The following CDKAL1 variants were observed in gnomAD, a reference collection of about 807,000 sequenced individuals.
The protein encoded by CDKAL1 is threonylcarbamoyladenosine tRNA methylthiotransferase.
CDKAL1 carries 32 observed loss-of-function variants against 68.2 expected under a neutral mutation model. The ratio of observed to expected loss-of-function variants is 0.47; its 90% CI spans 0.35 to 0.63. CDKAL1 has a LOEUF of 0.63. Among genes scored for constraint, CDKAL1 ranks in the 30% least tolerant of loss-of-function variants. The pLI, the probability that CDKAL1 is intolerant of heterozygous loss-of-function variation, is 0.00. For synonymous variants in CDKAL1, 234 were observed against 244.3 expected (o/e 0.96, Z 0.39); for missense variants, 606 against 696.7 (o/e 0.87, Z 1.47).
At chr6:20,807,424 T>C (rs1581618174) in intron 8 of CDKAL1, among the ~76,000 whole-genome samples, 2 of 152,252 alleles carry the variant, frequency 1.3e-5, no homozygotes, top group Middle Eastern at 6.8e-3. Context: ...GGTTTCGCCA[T>C]ATTGGCCAGG....
At chr6:21,035,857 A>G (rs1028575987) in intron 11 of CDKAL1, among the ~76,000 whole-genome samples, 5 of 152,178 alleles carry the variant, frequency 3.3e-5, no homozygotes, top group Non-Finnish European at 5.9e-5. Flanking sequence ...TTAACTGAGC[A>G]TTTAGCACTT....
At chr6:20,966,856 A>G (rs1309998396) in intron 10 of CDKAL1, among the ~76,000 whole-genome samples, 1 of 151,764 alleles carries the variant, frequency 6.6e-6, no homozygotes, top group Non-Finnish European at 1.5e-5. Flanking sequence ...TGGCTCCTAC[A>G]TTTTCAGTCT....
At position 20,789,103 on chromosome 6, in the gene CDKAL1, G is replaced by A. The variant is rs183181002; in HGVS notation, c.638+7838G>A. 3.3e-3 allele frequency among the ~76,000 whole-genome samples: 496 copies of A among 152,316 alleles called. 2 individuals carry two copies. Among genetic ancestry groups the A allele is most frequent in the Middle Eastern group, 6.8e-3 (2 of 294 alleles). ...TGATAGTTTGGACTATGAATGAAGT[G>A]AAAGTTATATGAAACAATTAAATGT... On this transcript the variant is annotated intron_variant, in intron 8 of 15. Coordinates refer to ENST00000274695, the MANE Select transcript of CDKAL1 (RefSeq NM_017774.3).
chr6:20,561,009 C>T (rs1054469174), intron 4 of CDKAL1, among the ~76,000 whole-genome samples: 2 of 152,190 alleles, frequency 1.3e-5, no homozygotes, highest in Non-Finnish European at 2.9e-5. Flanking sequence ...TTTCTGCTGG[C>T]TTAGAGTGAC....
chr6:20,646,217 C>G (rs1479836358), intron 4 of CDKAL1, among the ~76,000 whole-genome samples: 1 of 151,506 alleles, frequency 6.6e-6, no homozygotes, highest in Non-Finnish European at 1.5e-5. Flanking sequence ...CTACTGCACC[C>G]GGCTAATTTT....
intron 10 of CDKAL1, among the ~76,000 whole-genome samples, chr6:20,965,937 A>G (rs1379060669): frequency 6.6e-6 from 1 of 152,052 alleles, no homozygotes; most frequent in African/African-American, 2.4e-5. Flanking sequence ...TTTCCTTTAC[A>G]CTTTTCTATT....
chr6:20,745,682 A>T (rs1046922858), intron 6 of CDKAL1, among the ~76,000 whole-genome samples: 3 of 152,096 alleles, frequency 2.0e-5, no homozygotes, highest in African/African-American at 7.2e-5. Context: ...CAAATTGCTG[A>T]TCTCAAATTC....
At chr6:20,775,556 C>T (rs1253230181) in intron 7 of CDKAL1, among the ~76,000 whole-genome samples, 1 of 152,156 alleles carries the variant, frequency 6.6e-6, no homozygotes, top group Non-Finnish European at 1.5e-5. Flanking sequence ...CAAATTTGCT[C>T]CAAAAATTTG....
At chr6:20,579,460 A>T (rs958295762) in intron 4 of CDKAL1, among the ~76,000 whole-genome samples, 3 of 152,192 alleles carry the variant, frequency 2.0e-5, no homozygotes, top group African/African-American at 7.2e-5. Context: ...TTTTACATAT[A>T]GCTTTTGTTT....
chr6:21,174,327 T>C (rs929398083), intron 13 of CDKAL1, among the ~76,000 whole-genome samples: 3 of 152,194 alleles, frequency 2.0e-5, no homozygotes, highest in Non-Finnish European at 2.9e-5. Flanking sequence ...TGTTATTCAA[T>C]AGAGTCGGTA....
chr6:20,612,064 G>A (rs887441939), intron 4 of CDKAL1, among the ~76,000 whole-genome samples: 2 of 152,106 alleles, frequency 1.3e-5, no homozygotes, highest in Non-Finnish European at 2.9e-5. Context: ...CATTCATGTT[G>A]CTGCAAATGA....
chr6:20,754,045 T>C (rs1467141447), intron 6 of CDKAL1, among the ~76,000 whole-genome samples: 1 of 151,906 alleles, frequency 6.6e-6, no homozygotes, highest in East Asian at 1.9e-4. Flanking sequence ...AGTGGTGTGA[T>C]CATAGGTCAC....
chr6:20,588,725 C>CT (rs753912600), intron 4 of CDKAL1, among the ~76,000 whole-genome samples: 11 of 152,268 alleles, frequency 7.2e-5, no homozygotes, highest in Non-Finnish European at 1.6e-4. Context: ...TTTTCGAACT[C>CT]TGTTTCTCTA....
At chr6:20,869,014 C>T (rs1281769304) in intron 9 of CDKAL1, among the ~76,000 whole-genome samples, 3 of 152,160 alleles carry the variant, frequency 2.0e-5, no homozygotes, top group African/African-American at 4.8e-5. Context: ...GGATGTGCAG[C>T]GAGGAATACT....
At chr6:20,654,936 G>A (rs1768955942) in intron 5 of CDKAL1, among the ~76,000 whole-genome samples, 1 of 152,090 alleles carries the variant, frequency 6.6e-6, no homozygotes, top group East Asian at 1.9e-4. Context: ...TTTTTAAGTT[G>A]AACAAGGAAT....
chr6:20,844,557 TA>T (rs1490938429), intron 8 of CDKAL1, among the ~76,000 whole-genome samples: 1 of 151,678 alleles, frequency 6.6e-6, no homozygotes, highest in Non-Finnish European at 1.5e-5. Flanking sequence ...ATAAGGCATA[TA>T]AAATATCAGT....
intron 9 of CDKAL1, among the ~76,000 whole-genome samples, chr6:20,932,045 A>G (rs1763486471): frequency 6.6e-6 from 1 of 152,088 alleles, no homozygotes; most frequent in Admixed American, 6.6e-5. Context: ...ATTTCTTTCA[A>G]CCGTAGTGGT....
intron 8 of CDKAL1, among the ~76,000 whole-genome samples, chr6:20,794,099 T>C (rs1776014786): frequency 6.6e-6 from 1 of 151,894 alleles, no homozygotes; most frequent in Non-Finnish European, 1.5e-5. Flanking sequence ...TTCTGTTCCC[T>C]TATCTTGTAG....
intron 8 of CDKAL1, among the ~76,000 whole-genome samples, chr6:20,830,322 A>G (rs1444380415): frequency 1.3e-5 from 2 of 152,220 alleles, no homozygotes; most frequent in South Asian, 2.1e-4. Context: ...TTAAAAACAG[A>G]AATGCAACAA....
Sources: gnomAD v4.1 joint callset for allele counts (sites outside exome capture counted in the v4.1 genomes callset) on GRCh38, gnomAD v4.1.1 for gene constraint, MANE v1.5 for transcripts, NCBI Gene and HGNC (gene_info 2026-07-23, HGNC 2026-07-21) for gene names.